ZFP64: variants seen among roughly 807,000 people sequenced by gnomAD.
ZFP64 encodes the protein zinc finger protein 64.
Under a neutral mutation model 51.6 loss-of-function variants are expected in ZFP64, and 14 were observed. The observed-to-expected ratio is 0.27, with a 90% CI of 0.18 to 0.42. The LOEUF (loss-of-function observed/expected upper bound fraction) is 0.42. Ranked by LOEUF, ZFP64 falls within the 10% of genes least tolerant of loss-of-function variation. The probability of loss-of-function intolerance (pLI) is 1.00; values close to 1 mark genes in which losing one functional copy is unlikely to be tolerated. For synonymous variants in ZFP64, 375 were observed against 361.4 expected (o/e 1.04, Z -0.43); for missense variants, 754 against 906.8 (o/e 0.83, Z 2.16).
intron 7 of ZFP64, among the ~76,000 whole-genome samples, chr20:52,096,611 G>A (rs934947914): frequency 1.3e-5 from 2 of 152,238 alleles, no homozygotes; most frequent in African/African-American, 2.4e-5. Flanking sequence ...TAGGCAGGAT[G>A]GGCATGGTGG....
intron 2 of ZFP64, among the ~76,000 whole-genome samples, chr20:52,168,563 A>G (rs983871685): frequency 6.6e-6 from 1 of 152,214 alleles, no homozygotes; most frequent in Non-Finnish European, 1.5e-5. Context: ...TGATCCTGAT[A>G]CATGCTCAAG....
At chr20:52,092,957 G>C (rs1568941769) in intron 7 of ZFP64, among the ~76,000 whole-genome samples, 1 of 152,082 alleles carries the variant, frequency 6.6e-6, no homozygotes, top group Non-Finnish European at 1.5e-5. Context: ...GCAAGTATTT[G>C]CTGTAACTTA....
At chr20:52,091,890 T>TGAGGCAGGAGAATCGCTTG (rs1344465715) in intron 7 of ZFP64, among the ~76,000 whole-genome samples, 1 of 151,682 alleles carries the variant, frequency 6.6e-6, no homozygotes, top group Non-Finnish European at 1.5e-5. Flanking sequence ...CTTGGGAAGC[T>TGAGGCAGGAGAATCGCTTG]GAGGCAGGAG....
intron 2 of ZFP64, among the ~76,000 whole-genome samples, chr20:52,181,798 C>G (rs572308008): frequency 3.9e-5 from 6 of 152,194 alleles, no homozygotes; most frequent in Non-Finnish European, 8.8e-5. Flanking sequence ...AACAAGCTCC[C>G]AGGGGATCTT....
chr20:52,169,398 A>G (rs1267680027), intron 2 of ZFP64, among the ~76,000 whole-genome samples: 1 of 152,124 alleles, frequency 6.6e-6, no homozygotes, highest in Non-Finnish European at 1.5e-5. Context: ...TGGCCTCCCA[A>G]CCTTCTGCTC....
At chr20:52,142,182 G>C (rs60614585) in intron 5 of ZFP64, among the ~76,000 whole-genome samples, 54,896 of 151,518 alleles carry the variant, frequency 0.36, 10,654 homozygotes, top group Non-Finnish European at 0.42. Context: ...GTCTGGCCAA[G>C]ATGGTGAAAC....
At chr20:52,161,450 C>CTTT (rs11469696) in intron 4 of ZFP64, among the ~76,000 whole-genome samples, 29 of 115,118 alleles carry the variant, frequency 2.5e-4, no homozygotes, top group African/African-American at 3.3e-4. Flanking sequence ...TGATTGCTTT[C>CTTT]TTTTTTTTTT....
intron 5 of ZFP64, among the ~76,000 whole-genome samples, chr20:52,108,588 A>G (rs1427208063): frequency 6.6e-6 from 1 of 151,478 alleles, no homozygotes; most frequent in East Asian, 1.9e-4. Context: ...AGCTCACTGC[A>G]ACCTCCACCT....
At chr20:52,109,807 AAAATT>A (rs1177881347) in intron 5 of ZFP64, among the ~76,000 whole-genome samples, 99 of 151,844 alleles carry the variant, frequency 6.5e-4, no homozygotes, top group Middle Eastern at 3.4e-3. Flanking sequence ...AAAAAAGAAA[AAAATT>A]TGTTGCTAAT....
chr20:52,101,955 A>C (rs1412573120), intron 5 of ZFP64, among the ~76,000 whole-genome samples: 1 of 150,146 alleles, frequency 6.7e-6, no homozygotes, highest in Non-Finnish European at 1.5e-5. Context: ...AAAAAAAAAA[A>C]AAAAAAATTA....
At chr20:52,182,826 T>C (rs1313935349) in intron 2 of ZFP64, among the ~76,000 whole-genome samples, 1 of 152,184 alleles carries the variant, frequency 6.6e-6, no homozygotes, top group Non-Finnish European at 1.5e-5. Flanking sequence ...TGAGCAGTGT[T>C]CACACCCAAG....
intron 5 of ZFP64, among the ~76,000 whole-genome samples, chr20:52,124,326 C>T (rs1275666579): frequency 1.3e-5 from 2 of 151,794 alleles, no homozygotes; most frequent in East Asian, 3.9e-4. Flanking sequence ...CAAAAGAAAC[C>T]ACTACAAGTG....
chr20:52,124,171 T>C (rs903921318), intron 5 of ZFP64, among the ~76,000 whole-genome samples: 2 of 141,422 alleles, frequency 1.4e-5, no homozygotes, highest in African/African-American at 5.2e-5. Flanking sequence ...GAATTCTGAT[T>C]GAAAGATACA....
intron 5 of ZFP64, among the ~76,000 whole-genome samples, chr20:52,111,439 T>G (rs1190335998): frequency 3.3e-5 from 5 of 151,828 alleles, no homozygotes; most frequent in Admixed American, 3.3e-4. Context: ...GGTCTTGAAC[T>G]CCCAACCTCA....
chr20:52,175,982 C>T (rs1983176256), intron 2 of ZFP64: 11 of 985,472 alleles, frequency 1.1e-5, no homozygotes, highest in Non-Finnish European at 1.3e-5. Flanking sequence ...GCCCAAATGT[C>T]CCTCCCCAGG....
intron 5 of ZFP64, among the ~76,000 whole-genome samples, chr20:52,139,099 G>A (rs1230517290): frequency 3.3e-5 from 5 of 152,188 alleles, no homozygotes; most frequent in Non-Finnish European, 7.3e-5. Flanking sequence ...ATGTAACTTA[G>A]TTCGGCCACT....
chr20:52,160,139 G>A lies in ZFP64; in HGVS notation c.747C>T (p.His249=). The part of the protein sequence containing the change: ...ASRNSSQLTV[H]LRSHTGDAPF... ...AGGACTCACCCGTGTGGGATCGCAGGTGGACAGTGAGCTGGCTGGAGTTGC... is the reference window on the plus strand; with the variant it reads ...AGGACTCACCCGTGTGGGATCGCAGATGGACAGTGAGCTGGCTGGAGTTGC... Residue 249 remains histidine, a synonymous_variant, in exon 5 of 6, where the codon CAC becomes CAT. Transcript: ENST00000216923. The surrounding 1 kb of genome is among the most constrained non-coding windows in gnomAD (Gnocchi z 4.2). 3 of 1,614,230 alleles carry A rather than the reference G, an allele frequency of 1.9e-6. No homozygotes were observed. The highest frequency in any genetic ancestry group is 2.5e-6 in the Non-Finnish European group (3 of 1,180,056).
chr20:52,098,620 C>A, intron 5 of ZFP64: 1 of 1,613,384 alleles, frequency 6.2e-7, no homozygotes, highest in Non-Finnish European at 8.5e-7. Context: ...CTTAGTTTCT[C>A]ATTTATAACC....
At chr20:52,162,841 T>TC (rs1478664325) in intron 4 of ZFP64, among the ~76,000 whole-genome samples, 1 of 152,054 alleles carries the variant, frequency 6.6e-6, no homozygotes, top group African/African-American at 2.4e-5. Flanking sequence ...TTGCTGTGGT[T>TC]CCCCCAAACC....
Sources: gnomAD v4.1 joint callset for allele counts (sites outside exome capture counted in the v4.1 genomes callset) on GRCh38, gnomAD v4.1.1 for gene constraint, Gnocchi (gnomAD v3.1) non-coding constraint, MANE v1.5 for transcripts, NCBI Gene and HGNC (gene_info 2026-07-23, HGNC 2026-07-21) for gene names.